The following RAD9B variants were observed in gnomAD, a reference collection of about 807,000 sequenced individuals.
RAD9B encodes the protein cell cycle checkpoint control protein RAD9B.
Under a neutral mutation model 48.3 loss-of-function variants are expected in RAD9B, and 41 were observed. The ratio of observed to expected loss-of-function variants is 0.85; its 90% CI spans 0.66 to 1.10. The LOEUF (loss-of-function observed/expected upper bound fraction) is 1.10, where lower values mean the gene tolerates loss of function less well. Among genes scored for constraint, RAD9B ranks in the 50% least tolerant of loss-of-function variants. The probability of loss-of-function intolerance (pLI) is 0.00; values close to 1 mark genes in which losing one functional copy is unlikely to be tolerated. For missense variants in RAD9B, 444 were observed against 485.1 expected, an observed-to-expected ratio of 0.92 and a Z score of 0.80; for synonymous variants, 160 against 157.9, an observed-to-expected ratio of 1.01 and a Z score of -0.10.
chr12:110,506,814 T>G, intron 4 of RAD9B, 121 bp downstream of exon 4: 1 of 580,626 alleles, frequency 1.7e-6, no homozygotes. Flanking sequence ...TGTGTGTAGT[T>G]AAGTGGTAGG....
chr12:110,521,973 A>C (rs1483198942), intron 9 of RAD9B, among the ~76,000 whole-genome samples: 3 of 152,198 alleles, frequency 2.0e-5, no homozygotes, highest in Non-Finnish European at 4.4e-5. Context: ...ATGCACAATG[A>C]GTTGCTTTAC....
chr12:110,513,692 A>ATATTATTAT (rs147828355), intron 5 of RAD9B, among the ~76,000 whole-genome samples: 3 of 140,600 alleles, frequency 2.1e-5, no homozygotes, highest in Admixed American at 7.3e-5. Context: ...TATTGTTTTT[A>ATATTATTAT]TATTATTATT....
At position 110,528,412 on chromosome 12, in the gene RAD9B, G is replaced by A. The variant is rs530195527; in HGVS notation, c.1126-2113G>A. 5.9e-5 allele frequency among the ~76,000 whole-genome samples: 9 copies of A among 152,302 alleles called. No individual in the cohort carries two copies. The East Asian group carries it at 9.7e-4, about 16-fold the overall frequency. The stretch of plus-strand genomic sequence containing the variant: ...GAATTCAGTTTTGGATATGTTAAGG[G>A]AATGCTAATTGCATGTAGCGGGTAA... On this transcript the variant is annotated intron_variant, in intron 10 of 10. Transcript: ENST00000409300.
At chr12:110,507,468 TATATATGTATTAAATATAATACATA>T (rs377666430) in intron 4 of RAD9B, among the ~76,000 whole-genome samples, 19,023 of 124,764 alleles carry the variant, frequency 0.15, 2,466 homozygotes, top group African/African-American at 0.32. Flanking sequence ...TTAAGTATAA[TATATATGTATTAAATATAATACATA>T]ATATATGTAT....
chr12:110,505,288 A>G (rs1476475541), intron 2 of RAD9B, among the ~76,000 whole-genome samples: 2 of 152,112 alleles, frequency 1.3e-5, no homozygotes, highest in African/African-American at 4.8e-5. Flanking sequence ...ATAGGTGTAC[A>G]TATATGTATA....
Sources: allele counts gnomAD v4.1 joint callset (sites outside exome capture counted in the v4.1 genomes callset), GRCh38; gene constraint gnomAD v4.1.1; transcripts MANE v1.5; gene names NCBI Gene and HGNC (gene_info 2026-07-23, HGNC 2026-07-21).